The following LRRTM4 variants were observed in gnomAD, a reference collection of about 807,000 sequenced individuals.
LRRTM4 encodes leucine-rich repeat transmembrane neuronal protein 4.
LRRTM4 carries 25 observed loss-of-function variants against 47.6 expected under a neutral mutation model. The ratio of observed to expected loss-of-function variants is 0.53; its 90% CI spans 0.38 to 0.73. The LOEUF (loss-of-function observed/expected upper bound fraction) is 0.73. LRRTM4 is among the 30% of genes least tolerant of loss of function. The pLI is 0.00. For missense variants in LRRTM4, 638 were observed against 713.4 expected (o/e 0.89, Z 1.20); for synonymous variants, 311 against 269.5 (o/e 1.15, Z -1.51).
At chr2:77,429,035 A>T (rs1489234697) in intron 3 of LRRTM4, among the ~76,000 whole-genome samples, 1 of 152,174 alleles carries the variant, frequency 6.6e-6, no homozygotes, top group Admixed American at 6.6e-5. Context: ...CAGTAATTTC[A>T]TTTAAAGATT....
chr2:77,096,682 G>A (rs1670821225), intron 3 of LRRTM4, among the ~76,000 whole-genome samples: 1 of 151,452 alleles, frequency 6.6e-6, no homozygotes, highest in Non-Finnish European at 1.5e-5. Flanking sequence ...TGTGAAATCA[G>A]TATGAATATT....
At chr2:77,372,236 C>A (rs1166620064) in intron 3 of LRRTM4, among the ~76,000 whole-genome samples, 1 of 151,862 alleles carries the variant, frequency 6.6e-6, no homozygotes, top group Non-Finnish European at 1.5e-5. Context: ...CCTTCCAAGG[C>A]ATTTTGTTAT....
chr2:76,907,287 G>A (rs1673878056), intron 3 of LRRTM4, among the ~76,000 whole-genome samples: 1 of 226 alleles, frequency 4.4e-3, no homozygotes, highest in Non-Finnish European at 7.7e-3. Context: ...GATGTTCTTT[G>A]AAACCACGAG....
chr2:77,438,263 G>A (rs941018682), intron 3 of LRRTM4, among the ~76,000 whole-genome samples: 10 of 151,962 alleles, frequency 6.6e-5, no homozygotes, highest in Non-Finnish European at 8.8e-5. Flanking sequence ...AATTAATAGA[G>A]TAGTAACATG....
chr2:76,904,470 A>G (rs1673752611), intron 3 of LRRTM4, among the ~76,000 whole-genome samples: 1 of 152,222 alleles, frequency 6.6e-6, no homozygotes, highest in African/African-American at 2.4e-5. Flanking sequence ...TTATAGGAAT[A>G]TCTTTGTAAG....
intron 3 of LRRTM4, among the ~76,000 whole-genome samples, chr2:77,408,995 C>T (rs1038349935): frequency 1.3e-5 from 2 of 152,030 alleles, no homozygotes; most frequent in African/African-American, 2.4e-5. Flanking sequence ...AAAATATTGC[C>T]GTTTTCATCC....
intron 3 of LRRTM4, among the ~76,000 whole-genome samples, chr2:77,194,921 C>A (rs554610158): frequency 1.5e-3 from 230 of 150,712 alleles, no homozygotes; most frequent in African/African-American, 5.4e-3. Flanking sequence ...AAAAAAAAAA[C>A]AAGGAAATTT....
intron 3 of LRRTM4, among the ~76,000 whole-genome samples, chr2:77,025,977 G>A (rs1005426095): frequency 3.3e-5 from 5 of 151,690 alleles, no homozygotes; most frequent in African/African-American, 7.3e-5. Flanking sequence ...GATTGCACAT[G>A]TTTCCTACTT....
chr2:76,884,962 C>T (rs1673029222), intron 3 of LRRTM4, among the ~76,000 whole-genome samples: 1 of 151,814 alleles, frequency 6.6e-6, no homozygotes, highest in South Asian at 2.1e-4. Flanking sequence ...TGAAAAAAAG[C>T]TTGCAATATG....
chr2:77,410,925 T>G (rs1011740396), intron 3 of LRRTM4, among the ~76,000 whole-genome samples: 1 of 152,206 alleles, frequency 6.6e-6, no homozygotes, highest in Admixed American at 6.5e-5. Flanking sequence ...GCCAAACATT[T>G]GTTGGAAACT....
intron 3 of LRRTM4, chr2:77,517,499 C>A (rs1359708712): frequency 1.0e-6 from 1 of 984,896 alleles, no homozygotes; most frequent in African/African-American, 1.8e-5. Context: ...AAAATTGTGA[C>A]CTGATTTTAG....
intron 3 of LRRTM4, among the ~76,000 whole-genome samples, chr2:77,312,046 C>A (rs1399740593): frequency 6.6e-6 from 1 of 151,912 alleles, no homozygotes; most frequent in Non-Finnish European, 1.5e-5. Context: ...GTTCCCATAG[C>A]CCCCACCCAC....
chr2:76,820,598 TTAGA>T (rs1671026226), intron 3 of LRRTM4, among the ~76,000 whole-genome samples: 1 of 151,722 alleles, frequency 6.6e-6, no homozygotes, highest in African/African-American at 2.4e-5. Context: ...CTTGAAGGAA[TTAGA>T]TAGCACTAAC....
chr2:77,518,815 C>G lies in LRRTM4; in HGVS notation c.1054G>C (p.Asp352His), dbSNP rs1679346727. 1 of 1,611,362 alleles carries G rather than the reference C, an allele frequency of 6.2e-7. No homozygotes were observed. Among genetic ancestry groups the G allele is most frequent in the South Asian group, 1.1e-5 (1 of 90,854 alleles). Reference sequence around the variant, plus strand: ...CAGATATTATATGTTTCCACTGCATCACTAACCTTTTCACCCTGGATGTGC... The same window carrying G: ...CAGATATTATATGTTTCCACTGCATGACTAACCTTTTCACCCTGGATGTGC... ...PKHIQGEKVS[D>H]AVETYNICSE... is the part of the protein sequence containing the mutation. Residue 352 changes from aspartate (D) to histidine (H), a missense_variant, in exon 3 of 4, where the codon GAT becomes CAT. Asp to His is a moderately conservative substitution (Grantham distance 81). Transcript: ENST00000409884.
intron 3 of LRRTM4, among the ~76,000 whole-genome samples, chr2:77,266,376 G>GA (rs1319207190): frequency 2.6e-5 from 4 of 151,912 alleles, no homozygotes; most frequent in Admixed American, 2.0e-4. Context: ...TAACTTGGTG[G>GA]AAAAAATGCA....
intron 3 of LRRTM4, among the ~76,000 whole-genome samples, chr2:77,360,009 T>C (rs1035402335): frequency 6.6e-6 from 1 of 152,158 alleles, no homozygotes; most frequent in African/African-American, 2.4e-5. Flanking sequence ...ATTCTTTTTT[T>C]TAAAAAAAGT....
chr2:77,180,004 T>A (rs546552640), intron 3 of LRRTM4, among the ~76,000 whole-genome samples: 2 of 152,144 alleles, frequency 1.3e-5, no homozygotes, highest in Non-Finnish European at 2.9e-5. Flanking sequence ...TGAATAAAAA[T>A]TATTAGAAAG....
At chr2:77,482,174 C>T (rs769341538) in intron 3 of LRRTM4, among the ~76,000 whole-genome samples, 7 of 150,848 alleles carry the variant, frequency 4.6e-5, no homozygotes, top group African/African-American at 7.3e-5. Context: ...TTATGAATGA[C>T]CATAGAGGAT....
intron 3 of LRRTM4, among the ~76,000 whole-genome samples, chr2:77,416,313 C>G (rs1265139421): frequency 3.9e-5 from 6 of 151,962 alleles, no homozygotes; most frequent in African/African-American, 1.4e-4. Flanking sequence ...TACAAATGAA[C>G]AAGCCTGATG....
Sources: allele counts gnomAD v4.1 joint callset (sites outside exome capture counted in the v4.1 genomes callset), GRCh38; gene constraint gnomAD v4.1.1; transcripts MANE v1.5; gene names NCBI Gene and HGNC (gene_info 2026-07-23, HGNC 2026-07-21).